The following NTN1 variants were observed in gnomAD, a reference collection of about 807,000 sequenced individuals.
NTN1 encodes netrin-1.
In NTN1, 11 loss-of-function variants were observed where a neutral mutation model predicts 54.2. The ratio of observed to expected loss-of-function variants is 0.20; its 90% CI spans 0.13 to 0.34. The LOEUF is 0.34. Among genes scored for constraint, NTN1 ranks in the 10% least tolerant of loss-of-function variants. The pLI is 1.00. For synonymous variants in NTN1, 371 were observed against 382.0 expected (o/e 0.97, Z 0.33); for missense variants, 740 against 893.1 (o/e 0.83, Z 2.18).
chr17:9,169,043 C>A (rs2092380285), intron 3 of NTN1, among the ~76,000 whole-genome samples: 1 of 152,180 alleles, frequency 6.6e-6, no homozygotes. Context: ...GAGTTTCACT[C>A]CAACTGTGAT....
At chr17:9,196,426 G>A (rs1357150795) in intron 5 of NTN1, among the ~76,000 whole-genome samples, 3 of 152,230 alleles carry the variant, frequency 2.0e-5, no homozygotes, top group Non-Finnish European at 2.9e-5. Flanking sequence ...GCCGCCTCCT[G>A]TGGCTGTCGT....
chr17:9,104,762 G>C (rs1430798240), intron 2 of NTN1, among the ~76,000 whole-genome samples: 1 of 152,206 alleles, frequency 6.6e-6, no homozygotes, highest in East Asian at 1.9e-4. Flanking sequence ...TCAGGTCCTG[G>C]AGACAGGGAG....
At chr17:9,210,829 C>T (rs1010214297) in intron 5 of NTN1, among the ~76,000 whole-genome samples, 1 of 135,754 alleles carries the variant, frequency 7.4e-6, no homozygotes, top group Non-Finnish European at 1.5e-5. Context: ...TCGCTTGAAC[C>T]TGGGAGGTGG....
chr17:9,156,845 T>G (rs1020451920), intron 2 of NTN1, among the ~76,000 whole-genome samples: 3 of 152,120 alleles, frequency 2.0e-5, no homozygotes, highest in Non-Finnish European at 2.9e-5. Flanking sequence ...CCTACCTGTC[T>G]AACTATCTAA....
chr17:9,142,294 GAAAAAAAA>G (rs76675961), intron 2 of NTN1, among the ~76,000 whole-genome samples: 1 of 123,158 alleles, frequency 8.1e-6, no homozygotes, highest in South Asian at 2.7e-4. Context: ...ATCTCAAAAA[GAAAAAAAA>G]AAAAAGAAAA....
At chr17:9,028,048 C>T (rs771248862) in intron 2 of NTN1, among the ~76,000 whole-genome samples, 1 of 151,900 alleles carries the variant, frequency 6.6e-6, no homozygotes, top group African/African-American at 2.4e-5. Context: ...TCGCTTGAAC[C>T]TGGGAGGCGG....
At chr17:9,073,912 G>T (rs1259646785) in intron 2 of NTN1, among the ~76,000 whole-genome samples, 1 of 152,236 alleles carries the variant, frequency 6.6e-6, no homozygotes, top group East Asian at 1.9e-4. Context: ...TTCCTGGGCT[G>T]TTTCCTACCG....
At chr17:9,062,365 G>A (rs758187483) in intron 2 of NTN1, among the ~76,000 whole-genome samples, 12 of 152,186 alleles carry the variant, frequency 7.9e-5, no homozygotes, top group Admixed American at 2.0e-4. Context: ...ACAGACACAC[G>A]GAGCAGCATG....
intron 5 of NTN1, among the ~76,000 whole-genome samples, chr17:9,190,270 G>GAGAC (rs1447731359): frequency 6.6e-6 from 1 of 151,960 alleles, no homozygotes; most frequent in African/African-American, 2.4e-5. Context: ...AGAAAAGGAG[G>GAGAC]GTCTTGCCAC....
At chr17:9,231,188 C>T (rs1195278678) in intron 6 of NTN1, among the ~76,000 whole-genome samples, 1 of 152,158 alleles carries the variant, frequency 6.6e-6, no homozygotes, top group Non-Finnish European at 1.5e-5. Flanking sequence ...GCACCCCCGC[C>T]ATTGTTCCTG....
intron 6 of NTN1, among the ~76,000 whole-genome samples, chr17:9,227,581 CACACGCATGCAT>C (rs1905627729): frequency 7.3e-6 from 1 of 137,652 alleles, no homozygotes; most frequent in African/African-American, 2.8e-5. Flanking sequence ...ACACACATCA[CACACGCATGCAT>C]ACACACACCA....
intron 2 of NTN1, among the ~76,000 whole-genome samples, chr17:9,023,592 G>T (rs2091860904): frequency 6.6e-6 from 1 of 152,294 alleles, no homozygotes; most frequent in South Asian, 2.1e-4. Flanking sequence ...TTTGCGCCCA[G>T]TGCTCTCTGC....
chr17:9,034,294 C>T (rs142753436), intron 2 of NTN1, among the ~76,000 whole-genome samples: 2 of 152,264 alleles, frequency 1.3e-5, no homozygotes, highest in East Asian at 1.9e-4. Flanking sequence ...TGATCCTAGA[C>T]CTTGGGATTT....
At position 9,202,074 on chromosome 17, in the gene NTN1, A is replaced by C. The variant is rs1157938473; in HGVS notation, c.1412-19094A>C. Among the ~76,000 whole-genome samples, 224 of 145,868 alleles carry C rather than the reference A, an allele frequency of 1.5e-3. 1 individual carries two copies. Among genetic ancestry groups the C allele is most frequent in the Non-Finnish European group, 2.1e-3 (141 of 66,096 alleles). On this transcript the variant is annotated intron_variant, in intron 5 of 6. Transcript: ENST00000173229. ...CACACACAAAAAAAAAAAAAAAAAAAAAAAAAAAAAAAAAAACTTAGCCAG... is the reference window on the plus strand; with the variant it reads ...CACACACAAAAAAAAAAAAAAAAAACAAAAAAAAAAAAAAAACTTAGCCAG...
intron 5 of NTN1, among the ~76,000 whole-genome samples, chr17:9,188,901 C>G (rs576547273): frequency 6.6e-6 from 1 of 152,094 alleles, no homozygotes; most frequent in African/African-American, 2.4e-5. Context: ...GTAAACAGGC[C>G]CAGTAATTGA....
chr17:9,084,806 C>T (rs564516695), intron 2 of NTN1, among the ~76,000 whole-genome samples: 137 of 152,120 alleles, frequency 9.0e-4, no homozygotes, highest in African/African-American at 3.2e-3. Context: ...CACCCGCCAC[C>T]ATGCCTGGCT....
At chr17:9,188,839 C>A (rs1299340042) in intron 5 of NTN1, among the ~76,000 whole-genome samples, 1 of 152,086 alleles carries the variant, frequency 6.6e-6, no homozygotes, top group African/African-American at 2.4e-5. Context: ...CAGAGGAGAC[C>A]ACTGACAGGA....
At position 9,221,149 on chromosome 17, in the gene NTN1, C is replaced by T. The variant is rs1905337582; in HGVS notation, c.1412-19C>T. ...GCCTAATTAGTTTTTGTCTGTGCTC[C>T]CCCCCCACCCCCCTGCAGACTGCGA... On this transcript the variant is annotated intron_variant, in intron 5 of 6. Coordinates refer to ENST00000173229, the MANE Select transcript of NTN1 (RefSeq NM_004822.3). The surrounding 1 kb of genome is among the most constrained non-coding windows in gnomAD (Gnocchi z 4.5). The T allele has an allele frequency of 3.5e-6, 5 of 1,419,558 alleles. No individual in the cohort carries two copies. The highest frequency in any genetic ancestry group is 3.6e-5 in the Admixed American group (2 of 55,244). The allele number at this position is 1,419,558 out of a possible 1,614,324, so 87.9% of individuals were successfully genotyped here.
chr17:9,166,182 ACC>A (rs2092372736), intron 3 of NTN1, among the ~76,000 whole-genome samples: 1 of 97,832 alleles, frequency 1.0e-5, no homozygotes, highest in Non-Finnish European at 2.1e-5. Context: ...CACCACCACC[ACC>A]ACCACCACCA....
Sources: gnomAD v4.1 joint callset for allele counts (sites outside exome capture counted in the v4.1 genomes callset) on GRCh38, gnomAD v4.1.1 for gene constraint, Gnocchi (gnomAD v3.1) non-coding constraint, MANE v1.5 for transcripts, NCBI Gene and HGNC (gene_info 2026-07-23, HGNC 2026-07-21) for gene names.